The following ASAP1 variants were observed in gnomAD, a reference collection of about 807,000 sequenced individuals.
ASAP1 encodes the protein ArfGAP with SH3 domain, ankyrin repeat and PH domain 1, also known as arf-GAP with SH3 domain, ANK repeat and PH domain-containing protein 1.
A neutral mutation model predicts 145.2 loss-of-function variants in ASAP1; 43 were observed. That is an observed-to-expected ratio of 0.30 (90% CI 0.23 to 0.38). The LOEUF (loss-of-function observed/expected upper bound fraction) is 0.38. Among genes scored for constraint, ASAP1 ranks in the 10% least tolerant of loss-of-function variants. The pLI is 1.00. For missense variants in ASAP1, 1,018 were observed against 1,355.3 expected, an observed-to-expected ratio of 0.75 and a Z score of 3.91; for synonymous variants, 546 against 515.5, an observed-to-expected ratio of 1.06 and a Z score of -0.80.
At chr8:130,096,438 G>A (rs2097518039) in intron 24 of ASAP1, among the ~76,000 whole-genome samples, 1 of 152,152 alleles carries the variant, frequency 6.6e-6, no homozygotes, top group Non-Finnish European at 1.5e-5. Context: ...GTGACTAAGA[G>A]GCAATTTTCT....
At chr8:130,143,411 GT>G (rs35855151) in intron 13 of ASAP1, among the ~76,000 whole-genome samples, 13,511 of 141,992 alleles carry the variant, frequency 0.095, 661 homozygotes, top group Middle Eastern at 0.17. Context: ...TGAGATGTCT[GT>G]TTTTTTTTTT....
chr8:130,173,133 T>C (rs979105488), intron 9 of ASAP1, among the ~76,000 whole-genome samples: 14 of 152,346 alleles, frequency 9.2e-5, no homozygotes, highest in African/African-American at 3.4e-4. Flanking sequence ...GATGAACAAT[T>C]TGGAGGCAAG....
chr8:130,088,418 T>G (rs2097498433), intron 25 of ASAP1, among the ~76,000 whole-genome samples: 1 of 151,984 alleles, frequency 6.6e-6, no homozygotes, highest in Admixed American at 6.6e-5. Flanking sequence ...AAAATTCATG[T>G]GGGTCCTATA....
intron 5 of ASAP1, among the ~76,000 whole-genome samples, chr8:130,214,191 T>G (rs1445163255): frequency 1.3e-5 from 2 of 152,204 alleles, no homozygotes; most frequent in Non-Finnish European, 2.9e-5. Flanking sequence ...TCATCATTCT[T>G]TTAGCCAATT....
intron 9 of ASAP1, among the ~76,000 whole-genome samples, chr8:130,175,651 G>T (rs1813900610): frequency 6.6e-6 from 1 of 152,148 alleles, no homozygotes; most frequent in Admixed American, 6.5e-5. Context: ...ATGAACAAAA[G>T]TTTTTAATTT....
chr8:130,057,683 C>T (rs558614361), intron 29 of ASAP1, among the ~76,000 whole-genome samples: 15 of 152,332 alleles, frequency 9.8e-5, no homozygotes, highest in African/African-American at 2.6e-4. Context: ...CTCCCGACCT[C>T]GAGATCCATC....
chr8:130,213,053 G>T (rs2114196), intron 5 of ASAP1, among the ~76,000 whole-genome samples: 1 of 151,970 alleles, frequency 6.6e-6, no homozygotes, highest in Admixed American at 6.6e-5. Context: ...TTTGAGCAAG[G>T]CCTCCAGTGA....
intron 3 of ASAP1, among the ~76,000 whole-genome samples, chr8:130,298,551 C>T (rs954014796): frequency 6.6e-6 from 1 of 152,172 alleles, no homozygotes; most frequent in Non-Finnish European, 1.5e-5. Flanking sequence ...TCACAATGGT[C>T]CTTCTAAAAA....
intron 2 of ASAP1, among the ~76,000 whole-genome samples, chr8:130,380,685 T>C (rs1160215304): frequency 1.3e-5 from 2 of 152,192 alleles, no homozygotes; most frequent in Non-Finnish European, 2.9e-5. Context: ...AGTTTCAAAT[T>C]GTCAGCAGCC....
chr8:130,121,249 C>T (rs897288110), intron 18 of ASAP1, among the ~76,000 whole-genome samples: 85 of 152,320 alleles, frequency 5.6e-4, no homozygotes, highest in African/African-American at 1.8e-3. Flanking sequence ...CCACACTCCC[C>T]GCCAGTCTGT....
intron 3 of ASAP1, among the ~76,000 whole-genome samples, chr8:130,296,123 C>T (rs996563316): frequency 2.0e-5 from 3 of 152,214 alleles, no homozygotes; most frequent in African/African-American, 7.2e-5. Context: ...CTGCACCTAG[C>T]TCATCACTGT....
intron 3 of ASAP1, among the ~76,000 whole-genome samples, chr8:130,276,760 T>TCTCTCTCTCTCTCTCC (rs1333515760): frequency 6.3e-4 from 82 of 130,280 alleles, no homozygotes; most frequent in East Asian, 5.8e-3. Flanking sequence ...TCTCTCTCTC[T>TCTCTCTCTCTCTCTCC]CCTCTAACAA....
chr8:130,222,446 C>T (rs1422279252), intron 4 of ASAP1, among the ~76,000 whole-genome samples: 1 of 152,164 alleles, frequency 6.6e-6, no homozygotes, highest in Non-Finnish European at 1.5e-5. Context: ...AAGGCAGTTG[C>T]TTTATAGATA....
intron 13 of ASAP1, among the ~76,000 whole-genome samples, chr8:130,145,080 G>C (rs547324168): frequency 5.0e-4 from 76 of 152,238 alleles, no homozygotes; most frequent in Non-Finnish European, 1.0e-3. Flanking sequence ...CCCAATGAAT[G>C]TGCTAGATAG....
At chr8:130,232,636 C>A (rs557915967) in intron 4 of ASAP1, among the ~76,000 whole-genome samples, 1 of 150,178 alleles carries the variant, frequency 6.7e-6, no homozygotes, top group African/African-American at 2.4e-5. Context: ...AAAAAAAAAA[C>A]CAAAAAACCC....
intron 2 of ASAP1, among the ~76,000 whole-genome samples, chr8:130,380,864 C>T (rs889833176): frequency 2.0e-5 from 3 of 151,932 alleles, no homozygotes; most frequent in Non-Finnish European, 4.4e-5. Flanking sequence ...AGTACAGTTG[C>T]GCACCACTAC....
chr8:130,121,256 C>A (rs1229328279), intron 18 of ASAP1, among the ~76,000 whole-genome samples: 10 of 152,232 alleles, frequency 6.6e-5, no homozygotes, highest in Non-Finnish European at 1.3e-4. Context: ...CCCCGCCAGT[C>A]TGTCCTTCAC....
chr8:130,127,144 G>C (rs2097576200), intron 16 of ASAP1, among the ~76,000 whole-genome samples: 1 of 152,208 alleles, frequency 6.6e-6, no homozygotes, highest in African/African-American at 2.4e-5. Flanking sequence ...GTGATACAGA[G>C]GTGAGGGAAG....
Position 130,167,552 on chromosome 8 carries a change from T to G in ASAP1, c.893A>C (p.Gln298Pro), listed in dbSNP as rs139502759. The G allele has an allele frequency of 6.2e-7, 1 of 1,613,722 alleles. No homozygotes were observed. The highest frequency in any genetic ancestry group is 1.3e-5 in the African/African-American group (1 of 74,922). The change falls in exon 11 of 30, where the codon CAA (glutamine) becomes CCA (proline). Residue 298 changes from glutamine (Q) to proline (P), a missense_variant. By Grantham distance (76) the Gln-to-Pro change is moderately conservative (BLOSUM62 -1). Around this residue, in one of 9 missense-constraint regions of ASAP1, gnomAD observed 62 missense variants for 68.5 expected, o/e 0.90. Transcript: ENST00000518721. The stretch of plus-strand genomic sequence containing the variant: ...ACCACTTACTTCTTTCTGATCCAGT[T>G]GAAGAGAGGATTTTATTAAGTCTCG... ...ALRDLIKSSLQLDQKEDSQSR... is the reference protein window; with the variant it reads ...ALRDLIKSSLPLDQKEDSQSR...
Sources: allele counts gnomAD v4.1 joint callset (sites outside exome capture counted in the v4.1 genomes callset), GRCh38; gene constraint gnomAD v4.1.1; regional missense constraint gnomAD v4.1.1; transcripts MANE v1.5; gene names NCBI Gene and HGNC (gene_info 2026-07-23, HGNC 2026-07-21).